The following SPATA16 variants were observed in gnomAD, a reference collection of about 807,000 sequenced individuals.
SPATA16 encodes the protein spermatogenesis associated 16.
Under a neutral mutation model 63.3 loss-of-function variants are expected in SPATA16, and 36 were observed. The ratio of observed to expected loss-of-function variants is 0.57; its 90% CI spans 0.44 to 0.75. The LOEUF (loss-of-function observed/expected upper bound fraction) is 0.75. SPATA16 is among the 30% of genes least tolerant of loss of function. SPATA16 has a pLI of 0.00. For synonymous variants in SPATA16, 203 were observed against 216.7 expected (o/e 0.94, Z 0.56); for missense variants, 646 against 679.3 (o/e 0.95, Z 0.54).
intron 2 of SPATA16, among the ~76,000 whole-genome samples, chr3:173,089,655 A>C (rs1048658129): frequency 6.6e-6 from 1 of 152,186 alleles, no homozygotes; most frequent in African/African-American, 2.4e-5. Flanking sequence ...AACGACGAGG[A>C]CAAGGAGCTG....
intron 5 of SPATA16, among the ~76,000 whole-genome samples, chr3:172,963,256 C>T (rs1048379693): frequency 3.3e-5 from 5 of 152,092 alleles, no homozygotes. Flanking sequence ...GCCATTACCT[C>T]TGTCAGCCCA....
chr3:172,896,689 T>G (rs918551895), intron 10 of SPATA16, among the ~76,000 whole-genome samples: 1 of 152,202 alleles, frequency 6.6e-6, no homozygotes, highest in Non-Finnish European at 1.5e-5. Flanking sequence ...AATTTGCATT[T>G]CCCTAATGGC....
At chr3:172,921,165 G>A (rs1202615333) in intron 8 of SPATA16, among the ~76,000 whole-genome samples, 1 of 151,062 alleles carries the variant, frequency 6.6e-6, no homozygotes, top group African/African-American at 2.4e-5. Flanking sequence ...GCCTCCCTAA[G>A]TGCTGGGATT....
intron 4 of SPATA16, among the ~76,000 whole-genome samples, chr3:173,007,002 A>G (rs1306951584): frequency 6.6e-6 from 1 of 152,230 alleles, no homozygotes; most frequent in Admixed American, 6.5e-5. Flanking sequence ...ATTCATTTCT[A>G]AAGGAAATGG....
chr3:172,967,815 A>G (rs4629362), intron 5 of SPATA16, among the ~76,000 whole-genome samples: 5,951 of 152,220 alleles, frequency 0.039, 393 homozygotes, highest in African/African-American at 0.14. Context: ...ACTGTTTCCC[A>G]TCATCCCCCG....
intron 2 of SPATA16, among the ~76,000 whole-genome samples, chr3:173,088,007 C>CATCTTTCT (rs1553801607): frequency 0.011 from 1,261 of 118,360 alleles, 75 homozygotes; most frequent in Admixed American, 0.02. Context: ...ATTTTCTTTC[C>CATCTTTCT]GTCTTTCTTT....
intron 3 of SPATA16, among the ~76,000 whole-genome samples, chr3:173,023,818 T>C (rs191788009): frequency 6.6e-6 from 1 of 151,654 alleles, no homozygotes; most frequent in Non-Finnish European, 1.5e-5. Flanking sequence ...TGAGAATATA[T>C]GTCAATATGT....
intron 2 of SPATA16, among the ~76,000 whole-genome samples, chr3:173,061,811 G>A: frequency 6.6e-6 from 1 of 152,078 alleles, no homozygotes; most frequent in Non-Finnish European, 1.5e-5. Flanking sequence ...GTCTCCCTGG[G>A]AGCGACAGAA....
At chr3:172,937,397 A>T (rs1577096583) in intron 6 of SPATA16, among the ~76,000 whole-genome samples, 1 of 152,218 alleles carries the variant, frequency 6.6e-6, no homozygotes, top group Non-Finnish European at 1.5e-5. Context: ...TGCTGAATAC[A>T]TAGGGTAATA....
At chr3:173,080,587 T>A (rs1455408807) in intron 2 of SPATA16, among the ~76,000 whole-genome samples, 2 of 152,150 alleles carry the variant, frequency 1.3e-5, no homozygotes, top group Non-Finnish European at 2.9e-5. Context: ...GGGAATTTTA[T>A]GGACGGGGTG....
At chr3:173,140,613 C>A (rs1295408371) in intron 1 of SPATA16, among the ~76,000 whole-genome samples, 2 of 152,280 alleles carry the variant, frequency 1.3e-5, no homozygotes, top group African/African-American at 4.8e-5. Context: ...TCAATGTCTT[C>A]AATCCACAGT....
intron 2 of SPATA16, among the ~76,000 whole-genome samples, chr3:173,111,600 G>A (rs774406405): frequency 3.9e-5 from 6 of 152,188 alleles, no homozygotes; most frequent in Non-Finnish European, 7.3e-5. Context: ...TTTAAATTAA[G>A]CTTTCTGAGA....
In SPATA16 at chr3:172,889,413, G is replaced by T; in HGVS notation, c.*157C>A. ...TGCCAGTTGAGATTAATGAAACATA[G>T]AGTGTCTTTGGTAAAGATGAACTGA... On this transcript the variant is annotated 3_prime_UTR_variant, in exon 11 of 11. Transcript: ENST00000351008. The T allele has an allele frequency of 2.0e-6, 2 of 1,003,254 alleles. No homozygotes were observed. The highest frequency in any genetic ancestry group is 3.0e-6 in the Non-Finnish European group (2 of 657,324). The allele number at this position is 1,003,254 out of a possible 1,614,324, so 62.1% of individuals were successfully genotyped here.
At position 172,925,390 on chromosome 3, in the gene SPATA16, T is replaced by G. The variant is rs1560068511; in HGVS notation, c.1184A>C (p.Lys395Thr). Residue 395 changes from lysine to threonine, a missense_variant, in exon 7 of 11, where the codon AAA becomes ACA. By Grantham distance (78) the Lys-to-Thr change is moderately conservative. Coordinates refer to ENST00000351008, the MANE Select transcript of SPATA16 (RefSeq NM_031955.6). ...CCTGCTTGATATTTTTTCCAAAAATTTTCCATCATCTTTGTTTTTGAACCC... is the reference window on the plus strand; with the variant it reads ...CCTGCTTGATATTTTTTCCAAAAATGTTCCATCATCTTTGTTTTTGAACCC... ...TLGFKNKDDG[K>T]FLEKISSRKL... 1 of 1,614,054 alleles carries G rather than the reference T, an allele frequency of 6.2e-7. No individual in the cohort carries two copies.
chr3:172,907,618 C>CA (rs1442560144), intron 10 of SPATA16, among the ~76,000 whole-genome samples: 2 of 151,816 alleles, frequency 1.3e-5, no homozygotes, highest in African/African-American at 4.8e-5. Flanking sequence ...TGTTGTTACC[C>CA]AAGCAGGAGT....
chr3:173,123,199 A>G (rs558790008), intron 1 of SPATA16, among the ~76,000 whole-genome samples: 1 of 152,296 alleles, frequency 6.6e-6, no homozygotes, highest in African/African-American at 2.4e-5. Flanking sequence ...ACCAACAGGT[A>G]CTCTCAGTTT....
At chr3:172,947,777 G>A (rs888088464) in intron 6 of SPATA16, among the ~76,000 whole-genome samples, 1 of 152,000 alleles carries the variant, frequency 6.6e-6, no homozygotes, top group African/African-American at 2.4e-5. Context: ...GGGGCCTGTC[G>A]GGGAGTGAGG....
At chr3:173,131,133 A>G (rs1738373517) in intron 1 of SPATA16, among the ~76,000 whole-genome samples, 1 of 152,248 alleles carries the variant, frequency 6.6e-6, no homozygotes, top group East Asian at 1.9e-4. Context: ...AAAGAAAACC[A>G]TAAAGCCAAA....
intron 2 of SPATA16, among the ~76,000 whole-genome samples, chr3:173,068,522 G>A (rs1736579847): frequency 6.6e-6 from 1 of 152,048 alleles, no homozygotes; most frequent in Admixed American, 6.5e-5. Flanking sequence ...AAAGCAAGAA[G>A]TTAAAATATA....
Sources: allele counts gnomAD v4.1 joint callset (sites outside exome capture counted in the v4.1 genomes callset), GRCh38; gene constraint gnomAD v4.1.1; transcripts MANE v1.5; gene names NCBI Gene and HGNC (gene_info 2026-07-23, HGNC 2026-07-21).